Variants in PNPLA6 observed in about 807,000 individuals in gnomAD.
PNPLA6 encodes patatin-like phospholipase domain-containing protein 6.
A neutral mutation model predicts 153.7 loss-of-function variants in PNPLA6; 105 were observed. The observed-to-expected ratio is 0.68, with a 90% confidence interval of 0.58 to 0.80. The LOEUF (loss-of-function observed/expected upper bound fraction) is 0.80. PNPLA6 is among the 30% of genes least tolerant of loss of function. The probability of loss-of-function intolerance (pLI) is 0.00; values close to 1 mark genes in which losing one functional copy is unlikely to be tolerated. For synonymous variants in PNPLA6, 825 were observed against 822.2 expected, an observed-to-expected ratio of 1.00 and a Z score of -0.06; for missense variants, 1,423 against 1,919.3, an observed-to-expected ratio of 0.74 and a Z score of 4.83.
Position 7,541,368 on chromosome 19 carries a change from G to C in PNPLA6, c.939G>C (p.Arg313=). The C allele has an allele frequency of 3.1e-6, 5 of 1,613,816 alleles. No individual in the cohort carries two copies. Among genetic ancestry groups the C allele is most frequent in the Non-Finnish European group, 4.2e-6 (5 of 1,179,820 alleles). The change falls in exon 8 of 32, where the codon CGG becomes CGC. Residue 313 remains arginine (R), a synonymous_variant. Transcript: ENST00000600737. The surrounding 1 kb of genome is among the most constrained non-coding windows in gnomAD (Gnocchi z 5.2). ...GAGCCCTGCAGATCATCATGGTGCG[G>C]CTGCAGCGAGTCACCTTCCTGGCAC... ...LVRVVQIIMV[R]LQRVTFLALH...
intron 13 of PNPLA6, among the ~76,000 whole-genome samples, chr19:7,548,480 T>C (rs111845540): frequency 1.3e-5 from 2 of 152,240 alleles, no homozygotes; most frequent in African/African-American, 4.8e-5. Context: ...GAAGCCATCC[T>C]GGGCCACGTG....
At chr19:7,543,804 CT>C (rs1323742284) in intron 13 of PNPLA6, among the ~76,000 whole-genome samples, 2 of 150,798 alleles carry the variant, frequency 1.3e-5, no homozygotes, top group Admixed American at 6.6e-5. Context: ...AGTAAGACTT[CT>C]TTTTTTTCTT....
At position 7,543,039 on chromosome 19, in the gene PNPLA6, G is replaced by C. The variant is rs1298055952; in HGVS notation, c.1563G>C (p.Leu521=). ...DPSLLNSRVL[L]HHAKAGTIIA... is the part of the protein sequence containing the mutation. ...CCCTCCTGAACAGCAGAGTCTTGCT[G>C]CACCACGCCAAAGCTGGCACCATCA... Residue 521 remains leucine (L), a synonymous_variant, in exon 13 of 32, where the codon CTG becomes CTC. Coordinates refer to ENST00000600737, the MANE Select transcript of PNPLA6 (RefSeq NM_001166114.2). The C allele has an allele frequency of 6.2e-7, 1 of 1,613,930 alleles. No homozygotes were observed. Among genetic ancestry groups the C allele is most frequent in the Non-Finnish European group, 8.5e-7 (1 of 1,180,006 alleles).
At chr19:7,553,820 C>A in intron 18 of PNPLA6, 55 bp from the exon 19 acceptor site, 1 of 1,609,340 alleles carries the variant, frequency 6.2e-7, no homozygotes. Context: ...GAGGAGGGTT[C>A]ATCTCTCTGG....
chr19:7,542,908 G>T lies in PNPLA6; in HGVS notation c.1510G>T (p.Ala504Ser), dbSNP rs1016670913. ...SIFEAAKQEL[A>S]KLMRIEDPSL... ...CTTCGAGGCAGCAAAGCAGGAGCTG[G>T]CCAAGCTGATGCGGATTGAGGTGGG... The change falls in exon 12 of 32, where the codon GCC becomes TCC. Residue 504 changes from alanine to serine, a missense_variant. Ala to Ser is a moderately conservative substitution (Grantham distance 99). Transcript: ENST00000600737. The T allele has an allele frequency of 1.2e-6, 2 of 1,613,486 alleles. No individual in the cohort carries two copies. Among genetic ancestry groups the T allele is most frequent in the African/African-American group, 2.7e-5 (2 of 74,930 alleles).
Position 7,540,603 on chromosome 19 carries a change from G to A in PNPLA6, c.715-27G>A. On this transcript the variant is annotated intron_variant, in intron 5 of 31. Coordinates refer to ENST00000600737, the MANE Select transcript of PNPLA6 (RefSeq NM_001166114.2). The surrounding 1 kb of genome is among the most constrained non-coding windows in gnomAD (Gnocchi z 6.8). ...TGCCAGTCACCAGGGCGAGGCCACT[G>A]AGGGTCCACGGTCTCCTGTGTCTCA... 1.3e-6 allele frequency: 2 copies of A among 1,579,186 alleles called. No homozygotes were observed. Among genetic ancestry groups the A allele is most frequent in the Non-Finnish European group, 1.7e-6 (2 of 1,148,152 alleles).
chr19:7,541,373 A>C lies in PNPLA6; in HGVS notation c.944A>C (p.Gln315Pro), dbSNP rs1289246978. Residue 315 changes from glutamine (Q) to proline (P), a missense_variant, in exon 8 of 32, where the codon CAG (glutamine) becomes CCG (proline). Around this residue, in one of 10 missense-constraint regions of PNPLA6, gnomAD observed 118 missense variants for 158.8 expected, o/e 0.74. Coordinates refer to ENST00000600737, the MANE Select transcript of PNPLA6 (RefSeq NM_001166114.2). This position sits in a 1 kb window ranked among gnomAD's most constrained non-coding sequence, Gnocchi z 5.2. ...RVVQIIMVRL[Q>P]RVTFLALHNY... is the part of the protein sequence containing the mutation. Reference sequence around the variant, plus strand: ...CTGCAGATCATCATGGTGCGGCTGCAGCGAGTCACCTTCCTGGCACTGCAC... The same window carrying C: ...CTGCAGATCATCATGGTGCGGCTGCCGCGAGTCACCTTCCTGGCACTGCAC... The C allele has an allele frequency of 1.2e-6, 2 of 1,613,842 alleles. No homozygotes were observed. Among genetic ancestry groups the C allele is most frequent in the East Asian group, 2.2e-5 (1 of 44,874 alleles).
rs973953829 is a variant in PNPLA6, at chr19:7,550,181, C to A, written c.1814+69C>A. On this transcript the variant is annotated intron_variant, in intron 14 of 31. Transcript: ENST00000600737. The stretch of plus-strand genomic sequence containing the variant: ...CCCAACCCGTGGGAGTGGCCAGAAC[C>A]CCATCCCTCAACCTCACTCCTGGAA... 5.0e-6 allele frequency: 8 copies of A among 1,608,038 alleles called. 1 individual carries two copies. In the African/African-American group the frequency reaches 8.0e-5, roughly 16 times the overall value.
intron 18 of PNPLA6, 92 bp downstream of exon 18, chr19:7,551,529 G>A: frequency 9.0e-7 from 1 of 1,114,958 alleles, no homozygotes. Context: ...AGGGATGCTG[G>A]GAAATGGAGT....
In PNPLA6 at chr19:7,555,359, C is replaced by G; in HGVS notation, c.2928C>G (p.Gly976=). 6.0e-6 allele frequency: 6 copies of G among 1,004,692 alleles called. No individual in the cohort carries two copies. The highest frequency in any genetic ancestry group is 1.9e-5 in the African/African-American group (1 of 52,966). The allele number at this position is 1,004,692 out of a possible 1,614,324, so 62.2% of individuals were successfully genotyped here. A position where few individuals can be genotyped will look rare whatever the true frequency, so the allele number is the denominator to read the frequency against. The stretch of plus-strand genomic sequence containing the variant: ...CCATTGCCCTTGTGCTAGGCGGGGG[C>G]GGGGCCAGGTGAGGGCGGGGCTTGC... ...GNTIALVLGG[G]GARGCSHIGV... Residue 976 remains glycine (G), a synonymous_variant, in exon 23 of 32, where the codon GGC becomes GGG. Transcript: ENST00000600737. This position sits in a 1 kb window ranked among gnomAD's most constrained non-coding sequence, Gnocchi z 6.3.
In PNPLA6 at chr19:7,555,494, G is replaced by GT. The variant is rs2023838305; in HGVS notation, c.2937-113_2937-112insT. The GT allele has an allele frequency of 7.3e-7, 1 of 1,375,072 alleles. No individual in the cohort carries two copies. The highest frequency in any genetic ancestry group is 1.0e-6 in the Non-Finnish European group (1 of 997,726). 85.2% of individuals were successfully genotyped at this position (1,375,072 alleles called of 1,614,324 possible). On this transcript the variant is annotated intron_variant, in intron 23 of 31. Coordinates refer to ENST00000600737, the MANE Select transcript of PNPLA6 (RefSeq NM_001166114.2). This position sits in a 1 kb window ranked among gnomAD's most constrained non-coding sequence, Gnocchi z 6.3. ...GCTTCCCCTCCGGGAGAGACCCCGT[G>GT]GGTAGGGGCGGGTCCTTTGTTCCTT...
In PNPLA6 at chr19:7,554,379, T is replaced by C; in HGVS notation, c.2465+107T>C. On this transcript the variant is annotated intron_variant, in intron 20 of 31. Coordinates refer to ENST00000600737, the MANE Select transcript of PNPLA6 (RefSeq NM_001166114.2). ...GGCTTCCAACCACGGAGCCTGCGTC[T>C]TACCCATAGGTCAATGGGGAGATTC... The C allele has an allele frequency of 2.4e-6, 3 of 1,271,298 alleles. No individual in the cohort carries two copies. The East Asian group carries it at 7.0e-5, about 29-fold the overall frequency. The allele number at this position is 1,271,298 out of a possible 1,614,324, so 78.8% of individuals were successfully genotyped here.
Position 7,555,200 on chromosome 19 carries a change from C to G in PNPLA6, c.2818-49C>G, listed in dbSNP as rs1313097367. 6.5e-7 allele frequency: 1 copy of G among 1,535,042 alleles called. No individual in the cohort carries two copies. The highest frequency in any genetic ancestry group is 8.9e-7 in the Non-Finnish European group (1 of 1,127,838). Reference sequence around the variant, plus strand: ...GTCAGGGTACCCCTGGGGGATCCGCCGGACCCCGCCCTCATGCTCCTGGGT... The same window carrying G: ...GTCAGGGTACCCCTGGGGGATCCGCGGGACCCCGCCCTCATGCTCCTGGGT... On this transcript the variant is annotated intron_variant, in intron 22 of 31. Transcript: ENST00000600737. This position sits in a 1 kb window ranked among gnomAD's most constrained non-coding sequence, Gnocchi z 6.3.
chr19:7,554,360 C>A, intron 20 of PNPLA6, 88 bp downstream of exon 20: 2 of 1,343,788 alleles, frequency 1.5e-6, no homozygotes, highest in Non-Finnish European at 2.1e-6. Context: ...TCTTGGCTTC[C>A]AACCACGGAG....
Position 7,551,437 on chromosome 19 carries a change from G to C in PNPLA6, c.2260G>C (p.Gly754Arg), listed in dbSNP as rs1247013636. 1 of 1,613,578 alleles carries C rather than the reference G, an allele frequency of 6.2e-7. No individual in the cohort carries two copies. The highest frequency in any genetic ancestry group is 8.5e-7 in the Non-Finnish European group (1 of 1,179,604). The part of the protein sequence containing the change: ...NLQQLQGPFP[G>R]SGLGVPPHSE... ...GCAGCAGCTGCAAGGACCCTTCCCA[G>C]GTGAGAGCCGGCCGGCCCAGAGCGT... Residue 754 changes from glycine to arginine, a missense_variant and splice_region_variant, in exon 18 of 32, where the codon GGC becomes CGC. By Grantham distance (125) the Gly-to-Arg change is moderately radical. Transcript: ENST00000600737.
intron 17 of PNPLA6, 86 bp from the exon 18 acceptor site, chr19:7,551,276 C>A: frequency 7.2e-7 from 1 of 1,391,542 alleles, no homozygotes; most frequent in Non-Finnish European, 1.0e-6. Flanking sequence ...AACGGGCACC[C>A]AGGAGCCCCG....
At chr19:7,548,356 C>T (rs967202072) in intron 13 of PNPLA6, among the ~76,000 whole-genome samples, 13 of 150,708 alleles carry the variant, frequency 8.6e-5, no homozygotes, top group African/African-American at 2.9e-4. Flanking sequence ...AACCAACAAA[C>T]CAAAAAACCC....
At position 7,553,961 on chromosome 19, in the gene PNPLA6, G is replaced by A. The variant is rs2023758972; in HGVS notation, c.2347G>A (p.Glu783Lys). ...ATVAILPVCA[E>K]VPMVAFTLEL... The stretch of plus-strand genomic sequence containing the variant: ...TGTGGCAATCCTGCCTGTGTGTGCT[G>A]AGGTCCCCATGGTGGCCTTCACGCT... The change falls in exon 19 of 32, where the codon GAG becomes AAG. Residue 783 changes from glutamate to lysine, a missense_variant. Coordinates refer to ENST00000600737, the MANE Select transcript of PNPLA6 (RefSeq NM_001166114.2). 1 of 1,614,052 alleles carries A rather than the reference G, an allele frequency of 6.2e-7. No individual in the cohort carries two copies. Among genetic ancestry groups the A allele is most frequent in the Non-Finnish European group, 8.5e-7 (1 of 1,180,040 alleles).
At chr19:7,553,041 G>C (rs2023723571) in intron 18 of PNPLA6, among the ~76,000 whole-genome samples, 1 of 141,888 alleles carries the variant, frequency 7.0e-6, no homozygotes, top group Admixed American at 7.2e-5. Context: ...GGGTTGGGGG[G>C]TAAGTCACAT....
Sources: allele counts gnomAD v4.1 joint callset (sites outside exome capture counted in the v4.1 genomes callset), GRCh38; gene constraint gnomAD v4.1.1; regional missense constraint gnomAD v4.1.1; non-coding constraint Gnocchi (gnomAD v3.1); transcripts MANE v1.5; gene names NCBI Gene and HGNC (gene_info 2026-07-23, HGNC 2026-07-21).